Variants in STOX2 observed in about 807,000 individuals in gnomAD.
The protein encoded by STOX2 is storkhead box 2.
Under a neutral mutation model 60.9 loss-of-function variants are expected in STOX2, and 28 were observed. The observed-to-expected ratio is 0.46, with a 90% CI of 0.34 to 0.63. STOX2 has a LOEUF of 0.63. Ranked by LOEUF, STOX2 falls within the 30% of genes least tolerant of loss-of-function variation. The pLI, the probability that STOX2 is intolerant of heterozygous loss-of-function variation, is 0.01. For missense variants in STOX2, 1,024 were observed against 1,187.7 expected (o/e 0.86, Z 2.03); for synonymous variants, 472 against 463.9 (o/e 1.02, Z -0.22).
chr4:183,862,698 G>T (rs1053407487), intron 1 of STOX2, among the ~76,000 whole-genome samples: 2 of 152,220 alleles, frequency 1.3e-5, no homozygotes, highest in African/African-American at 4.8e-5. Flanking sequence ...CTGAGGGCTC[G>T]ATACAGGCTT....
chr4:183,867,791 G>A (rs1376684273), intron 1 of STOX2, among the ~76,000 whole-genome samples: 3 of 152,214 alleles, frequency 2.0e-5, no homozygotes, highest in African/African-American at 4.8e-5. Flanking sequence ...AGACACAAAG[G>A]TTGAGTAGCT....
intron 1 of STOX2, among the ~76,000 whole-genome samples, chr4:183,841,029 G>A (rs1329807956): frequency 1.3e-5 from 2 of 152,104 alleles, no homozygotes; most frequent in East Asian, 1.9e-4. Context: ...CACTACATCC[G>A]GCTAATTTTT....
intron 1 of STOX2, among the ~76,000 whole-genome samples, chr4:183,931,641 G>A (rs969035416): frequency 6.6e-6 from 1 of 152,212 alleles, no homozygotes; most frequent in Non-Finnish European, 1.5e-5. Context: ...TAAAGGTAGT[G>A]TGGCGCAAGG....
At chr4:183,862,827 T>C (rs1740479991) in intron 1 of STOX2, among the ~76,000 whole-genome samples, 1 of 152,166 alleles carries the variant, frequency 6.6e-6, no homozygotes, top group African/African-American at 2.4e-5. Flanking sequence ...CTGTGGGACT[T>C]GGACAGTGTG....
intron 1 of STOX2, among the ~76,000 whole-genome samples, chr4:183,805,657 A>T (rs1051293532): frequency 1.3e-5 from 2 of 152,072 alleles, no homozygotes; most frequent in Non-Finnish European, 1.5e-5. Flanking sequence ...AAAAAGTTTT[A>T]AAAAAATTAG....
chr4:183,901,313 C>G (rs1443037882), upstream of STOX2, among the ~76,000 whole-genome samples: 1 of 152,208 alleles, frequency 6.6e-6, no homozygotes, highest in Non-Finnish European at 1.5e-5. Flanking sequence ...ACTCATCCCT[C>G]AATGGGTACT....
At chr4:183,995,509 A>G (rs1439299101) in intron 1 of STOX2, among the ~76,000 whole-genome samples, 1 of 152,072 alleles carries the variant, frequency 6.6e-6, no homozygotes, top group African/African-American at 2.4e-5. Flanking sequence ...GGATTTAAAT[A>G]GTGAAAATGG....
intron 1 of STOX2, among the ~76,000 whole-genome samples, chr4:183,955,868 G>T (rs892128074): frequency 6.6e-6 from 1 of 152,136 alleles, no homozygotes. Flanking sequence ...CCTGCAGAGC[G>T]ATCTGTAGAG....
At chr4:183,890,887 C>T (rs111937745) in intron 1 of STOX2, among the ~76,000 whole-genome samples, 2,851 of 152,186 alleles carry the variant, frequency 0.019, 78 homozygotes, top group African/African-American at 0.059. Flanking sequence ...GCGGGAGGAT[C>T]GCTGAAGGCC....
At chr4:183,869,637 G>A (rs1262262901) in intron 1 of STOX2, among the ~76,000 whole-genome samples, 1 of 152,092 alleles carries the variant, frequency 6.6e-6, no homozygotes, top group African/African-American at 2.4e-5. Context: ...TGGCATCTCA[G>A]AATTTACCTT....
intron 1 of STOX2, among the ~76,000 whole-genome samples, chr4:183,908,918 C>T (rs1226903004): frequency 6.6e-6 from 1 of 152,168 alleles, no homozygotes. Flanking sequence ...GGCGTGCCCC[C>T]AAAGAGCGAA....
chr4:183,894,415 G>A (rs151041101), intron 1 of STOX2, among the ~76,000 whole-genome samples: 29 of 152,150 alleles, frequency 1.9e-4, no homozygotes, highest in Middle Eastern at 3.4e-3. Context: ...TTAAATAATA[G>A]CATCTCTGTA....
intron 1 of STOX2, among the ~76,000 whole-genome samples, chr4:183,916,257 T>C (rs1278718394): frequency 1.3e-5 from 2 of 152,192 alleles, no homozygotes; most frequent in African/African-American, 4.8e-5. Flanking sequence ...GTGGTGGCTG[T>C]ATGTTTCAAG....
intron 1 of STOX2, among the ~76,000 whole-genome samples, chr4:183,828,058 C>A (rs1360878279): frequency 6.6e-6 from 1 of 152,120 alleles, no homozygotes; most frequent in Non-Finnish European, 1.5e-5. Flanking sequence ...TTGTTCAAAT[C>A]AGGATCCCAA....
chr4:183,961,987 G>T lies in STOX2; in HGVS notation c.167-39338G>T, dbSNP rs74570194. Among the ~76,000 whole-genome samples the T allele has an allele frequency of 4.6e-5, 7 of 152,266 alleles. No individual in the cohort carries two copies. The East Asian group carries it at 1.3e-3, about 29-fold the overall frequency. On this transcript the variant is annotated intron_variant, in intron 1 of 3. Transcript: ENST00000308497. Reference sequence around the variant, plus strand: ...CTTTGTCTAAAACAAAGCAGGGTGCGGTGACCCCATGAAGAGAAATCCACC... The same window carrying T: ...CTTTGTCTAAAACAAAGCAGGGTGCTGTGACCCCATGAAGAGAAATCCACC...
chr4:183,908,681 G>A (rs1741692269), intron 1 of STOX2, among the ~76,000 whole-genome samples: 1 of 150,528 alleles, frequency 6.6e-6, no homozygotes, highest in East Asian at 2.0e-4. Context: ...GCTATTGCAG[G>A]TGCTGCGAGG....
At chr4:183,917,450 A>T (rs1015151079) in intron 1 of STOX2, among the ~76,000 whole-genome samples, 1 of 152,258 alleles carries the variant, frequency 6.6e-6, no homozygotes, top group Non-Finnish European at 1.5e-5. Flanking sequence ...AACGTCTAAG[A>T]TAAAACTTCC....
At chr4:183,963,130 T>G (rs1205668878) in intron 1 of STOX2, among the ~76,000 whole-genome samples, 1 of 152,140 alleles carries the variant, frequency 6.6e-6, no homozygotes, top group Non-Finnish European at 1.5e-5. Context: ...GTCACAAAAG[T>G]CAGTGTCCCC....
chr4:183,806,374 G>A lies in STOX2; in HGVS notation c.364+8319G>A, dbSNP rs1210980027. On this transcript the variant is annotated intron_variant, in intron 1 of 2. Transcript: ENST00000513034. This position sits in a 1 kb window ranked among gnomAD's most constrained non-coding sequence, Gnocchi z 4.1. ...CATGGAAGCTGGGGATGCATAGTGAGTCCAAAATCACCTCCTTCTCATGAA... is the reference window on the plus strand; with the variant it reads ...CATGGAAGCTGGGGATGCATAGTGAATCCAAAATCACCTCCTTCTCATGAA... Among the ~76,000 whole-genome samples the A allele has an allele frequency of 6.6e-6, 1 of 152,158 alleles. No homozygotes were observed. The highest frequency in any genetic ancestry group is 1.9e-4 in the East Asian group (1 of 5,180).
Sources: allele counts gnomAD v4.1 joint callset (sites outside exome capture counted in the v4.1 genomes callset), GRCh38; gene constraint gnomAD v4.1.1; non-coding constraint Gnocchi (gnomAD v3.1); transcripts MANE v1.5; gene names NCBI Gene and HGNC (gene_info 2026-07-23, HGNC 2026-07-21).